The following ABCB5 variants were observed in gnomAD, a reference collection of about 807,000 sequenced individuals.
ABCB5 encodes ATP binding cassette subfamily B member 5.
In ABCB5, 155 loss-of-function variants were observed where a neutral mutation model predicts 144.2. The observed-to-expected ratio is 1.08, with a 90% CI of 0.94 to 1.23. The LOEUF (loss-of-function observed/expected upper bound fraction) is 1.23. ABCB5 is among the 50% of genes most tolerant of loss of function. The probability of loss-of-function intolerance (pLI) is 0.00; values close to 1 mark genes in which losing one functional copy is unlikely to be tolerated. For missense variants in ABCB5, 1,830 were observed against 1,520.8 expected, an observed-to-expected ratio of 1.20 and a Z score of -3.38; for synonymous variants, 610 against 528.6, an observed-to-expected ratio of 1.15 and a Z score of -2.11.
At chr7:20,634,221 C>A (rs982483492) in intron 5 of ABCB5, among the ~76,000 whole-genome samples, 2 of 143,402 alleles carry the variant, frequency 1.4e-5, no homozygotes, top group Non-Finnish European at 3.0e-5. Flanking sequence ...ATTTTTATGG[C>A]TGACTAGTAT....
chr7:20,642,967 T>C (rs1259252077), intron 5 of ABCB5, among the ~76,000 whole-genome samples: 1 of 152,234 alleles, frequency 6.6e-6, no homozygotes, highest in Non-Finnish European at 1.5e-5. Flanking sequence ...TTTAAAATAC[T>C]AATTTCTGAT....
intron 13 of ABCB5, among the ~76,000 whole-genome samples, chr7:20,658,155 T>C (rs1225385854): frequency 2.0e-5 from 3 of 152,120 alleles, no homozygotes; most frequent in Admixed American, 1.3e-4. Flanking sequence ...AAAATAGGTA[T>C]TTGTATTACA....
At chr7:20,726,897 A>G in intron 21 of ABCB5, 143 bp from the exon 22 acceptor site, 1 of 469,966 alleles carries the variant, frequency 2.1e-6, no homozygotes, top group Non-Finnish European at 3.7e-6. Context: ...CTGGGAGGAA[A>G]GGAAGCTAAG....
At chr7:20,709,803 G>A (rs893196623) in intron 20 of ABCB5, among the ~76,000 whole-genome samples, 2 of 149,692 alleles carry the variant, frequency 1.3e-5, no homozygotes, top group Non-Finnish European at 3.0e-5. Context: ...AGATAAGGCT[G>A]GGCAAGGTGG....
At chr7:20,679,442 G>A (rs947334099) in intron 14 of ABCB5, among the ~76,000 whole-genome samples, 4 of 94,412 alleles carry the variant, frequency 4.2e-5, no homozygotes, top group Non-Finnish European at 5.7e-5. Flanking sequence ...TTGCACTCCC[G>A]CCTGGGCAAC....
intron 2 of ABCB5, among the ~76,000 whole-genome samples, chr7:20,624,883 G>A (rs1783874993): frequency 2.6e-5 from 4 of 152,088 alleles, no homozygotes; most frequent in Admixed American, 6.5e-5. Context: ...CTTTGCCAAA[G>A]GACACTTGGC....
intron 5 of ABCB5, among the ~76,000 whole-genome samples, chr7:20,638,494 T>C (rs1784212788): frequency 6.6e-6 from 1 of 152,220 alleles, no homozygotes; most frequent in Non-Finnish European, 1.5e-5. Context: ...CCTACAAAGA[T>C]CTTCATTTGC....
At chr7:20,681,014 CTTTCTTTCTT>C (rs1785786097) in intron 14 of ABCB5, among the ~76,000 whole-genome samples, 1 of 14,558 alleles carries the variant, frequency 6.9e-5, no homozygotes, top group Non-Finnish European at 1.5e-4. Flanking sequence ...TTCTTTCTTT[CTTTCTTTCTT>C]TCTTTCTTTC....
At chr7:20,720,666 C>G (rs1240650479) in intron 20 of ABCB5, among the ~76,000 whole-genome samples, 1 of 152,130 alleles carries the variant, frequency 6.6e-6, no homozygotes, top group African/African-American at 2.4e-5. Flanking sequence ...AATGAAGAGG[C>G]CAGGCGCGGT....
intron 1 of ABCB5, among the ~76,000 whole-genome samples, chr7:20,617,774 A>G (rs954790462): frequency 2.0e-5 from 3 of 152,214 alleles, no homozygotes; most frequent in Non-Finnish European, 4.4e-5. Context: ...ATAAAAAGAG[A>G]TAATCCTGCA....
intron 20 of ABCB5, among the ~76,000 whole-genome samples, chr7:20,718,498 T>C (rs549887780): frequency 1.4e-3 from 219 of 152,326 alleles, no homozygotes; most frequent in South Asian, 3.5e-3. Context: ...GTGTTTTTAC[T>C]TTTTTGAAAT....
chr7:20,749,759 G>A (rs1014262872), intron 26 of ABCB5, among the ~76,000 whole-genome samples: 4 of 152,020 alleles, frequency 2.6e-5, no homozygotes, highest in African/African-American at 7.3e-5. Flanking sequence ...ATCACTTCTG[G>A]CTGGGGGTTC....
Position 20,624,404 on chromosome 7 carries a change from T to A in ABCB5, c.53+1066T>A, listed in dbSNP as rs191591257. On this transcript the variant is annotated intron_variant, in intron 2 of 27. Coordinates refer to ENST00000404938, the MANE Select transcript of ABCB5 (RefSeq NM_001163941.2). ...TCATGATAATAATACACTACAGACC[T>A]CATTGGTGAACCAAAAAAACTAACA... Among the ~76,000 whole-genome samples the A allele has an allele frequency of 3.0e-3, 462 of 152,306 alleles. 11 individuals carry two copies. Among genetic ancestry groups the A allele is most frequent in the Admixed American group, 0.028 (425 of 15,294 alleles).
intron 15 of ABCB5, among the ~76,000 whole-genome samples, chr7:20,682,604 T>C (rs1312912661): frequency 6.6e-6 from 1 of 152,052 alleles, no homozygotes; most frequent in African/African-American, 2.4e-5. Flanking sequence ...AGTTGGAAAA[T>C]AACCATCAGA....
chr7:20,696,287 G>C (rs893624562), intron 16 of ABCB5, among the ~76,000 whole-genome samples: 1 of 152,098 alleles, frequency 6.6e-6, no homozygotes, highest in African/African-American at 2.4e-5. Context: ...GGCAAAATAA[G>C]TATGTTGAGC....
At chr7:20,633,972 T>G (rs564362441) in intron 5 of ABCB5, among the ~76,000 whole-genome samples, 24 of 152,048 alleles carry the variant, frequency 1.6e-4, no homozygotes, top group Non-Finnish European at 2.9e-4. Flanking sequence ...ATGACCCAAA[T>G]AGTGAAACTT....
At chr7:20,695,132 C>CAACTACTAT (rs1025120840) in intron 16 of ABCB5, among the ~76,000 whole-genome samples, 1 of 151,866 alleles carries the variant, frequency 6.6e-6, no homozygotes, top group Non-Finnish European at 1.5e-5. Context: ...AATTCTGTTT[C>CAACTACTAT]AACTACTATA....
At chr7:20,662,592 C>T (rs1397459714) in intron 14 of ABCB5, among the ~76,000 whole-genome samples, 2 of 152,190 alleles carry the variant, frequency 1.3e-5, no homozygotes, top group East Asian at 3.9e-4. Flanking sequence ...TAGTTGGGAA[C>T]AGAAAGGGAA....
At position 20,674,210 on chromosome 7, in the gene ABCB5, G is replaced by A. The variant is rs146779260; in HGVS notation, c.1708-7295G>A. On this transcript the variant is annotated intron_variant, in intron 14 of 27. Transcript: ENST00000404938. ...AATTACATTTTTCTCCATGCACTAC[G>A]GAGTTACAATTTCCAGTGTTCTTCA... is the stretch of plus-strand genomic sequence containing the variant. Among the ~76,000 whole-genome samples the A allele has an allele frequency of 1.9e-3, 290 of 151,836 alleles. 1 individual carries two copies. The highest frequency in any genetic ancestry group is 6.6e-3 in the African/African-American group (275 of 41,496).
Sources: allele counts gnomAD v4.1 joint callset (sites outside exome capture counted in the v4.1 genomes callset), GRCh38; gene constraint gnomAD v4.1.1; transcripts MANE v1.5; gene names NCBI Gene and HGNC (gene_info 2026-07-23, HGNC 2026-07-21).